The following MAP2K5 variants were observed in gnomAD, a reference collection of about 807,000 sequenced individuals.
The protein encoded by MAP2K5 is mitogen-activated protein kinase kinase 5, also known as dual specificity mitogen-activated protein kinase kinase 5.
In MAP2K5, 49 loss-of-function variants were observed where a neutral mutation model predicts 83.1. The ratio of observed to expected loss-of-function variants is 0.59; its 90% confidence interval spans 0.47 to 0.75. MAP2K5 has a LOEUF of 0.75. MAP2K5 is among the 30% of genes least tolerant of loss of function. The pLI is 0.00. For synonymous variants in MAP2K5, 202 were observed against 191.8 expected (o/e 1.05, Z -0.44); for missense variants, 457 against 557.5 (o/e 0.82, Z 1.82).
intron 1 of MAP2K5, among the ~76,000 whole-genome samples, chr15:67,547,107 C>CACACACAG (rs3223318): frequency 6.9e-6 from 1 of 145,798 alleles, no homozygotes; most frequent in South Asian, 2.2e-4. Context: ...CACACACACA[C>CACACACAG]AGATTTCTGT....
Position 67,780,584 on chromosome 15 carries a change from A to G in MAP2K5, c.1242+7832A>G, listed in dbSNP as rs144988486. Among the ~76,000 whole-genome samples, 24 of 152,350 alleles carry G rather than the reference A, an allele frequency of 1.6e-4. No individual in the cohort carries two copies. In the East Asian group the frequency reaches 4.4e-3, roughly 28 times the overall value. On this transcript the variant is annotated intron_variant, in intron 21 of 21. Transcript: ENST00000178640. This position sits in a 1 kb window ranked among gnomAD's most constrained non-coding sequence, Gnocchi z 5.0. Reference sequence around the variant, plus strand: ...GTAAAGCTGAAGAAACTAATCCAAGAACAAGCAATCCCTGGACATTACAAT... The same window carrying G: ...GTAAAGCTGAAGAAACTAATCCAAGGACAAGCAATCCCTGGACATTACAAT...
intron 15 of MAP2K5, among the ~76,000 whole-genome samples, chr15:67,697,326 T>C (rs1041333556): frequency 6.6e-6 from 1 of 152,144 alleles, no homozygotes; most frequent in African/African-American, 2.4e-5. Flanking sequence ...TTTTAAATCC[T>C]CACAACACTA....
intron 16 of MAP2K5, among the ~76,000 whole-genome samples, chr15:67,721,021 A>G (rs2141239956): frequency 6.6e-6 from 1 of 152,338 alleles, no homozygotes; most frequent in Non-Finnish European, 1.5e-5. Context: ...AAGGAACAGC[A>G]TTAGGATATT....
At chr15:67,700,629 G>A (rs1354745530) in intron 15 of MAP2K5, among the ~76,000 whole-genome samples, 1 of 152,086 alleles carries the variant, frequency 6.6e-6, no homozygotes, top group Non-Finnish European at 1.5e-5. Flanking sequence ...TCAAATCCTG[G>A]CTCCATAAAT....
chr15:67,742,499 G>A (rs1250742867), intron 17 of MAP2K5, among the ~76,000 whole-genome samples: 2 of 152,108 alleles, frequency 1.3e-5, no homozygotes, highest in African/African-American at 2.4e-5. Context: ...CTCAGAAAAA[G>A]CAACACCTCC....
rs578206780 is a variant in MAP2K5, at chr15:67,763,392, C to T, written c.1135-6210C>T. On this transcript the variant is annotated intron_variant, in intron 19 of 21. Transcript: ENST00000178640. ...TCACACTCTAAACGAGACTCATTCT[C>T]GGACCAGGAGCACCTATTCATCTCT... Among the ~76,000 whole-genome samples the T allele has an allele frequency of 7.2e-5, 11 of 152,296 alleles. No homozygotes were observed. The South Asian group carries it at 1.0e-3, about 14-fold the overall frequency.
intron 4 of MAP2K5, among the ~76,000 whole-genome samples, chr15:67,582,413 T>C (rs972409876): frequency 2.0e-5 from 3 of 152,204 alleles, no homozygotes; most frequent in Admixed American, 1.3e-4. Flanking sequence ...TGGGCAAGTT[T>C]CAAAATTCTT....
chr15:67,774,407 T>G lies in MAP2K5; in HGVS notation c.1242+1655T>G, dbSNP rs768166198. Among the ~76,000 whole-genome samples the G allele has an allele frequency of 6.6e-6, 1 of 152,142 alleles. No individual in the cohort carries two copies. Among genetic ancestry groups the G allele is most frequent in the Non-Finnish European group, 1.5e-5 (1 of 68,032 alleles). The stretch of plus-strand genomic sequence containing the variant: ...TTAAATGAATGCATTCCCAGAGGTA[T>G]AGCAGTGGTGAGGCACCACTGCTTT... On this transcript the variant is annotated intron_variant, in intron 21 of 21. Transcript: ENST00000178640. The surrounding 1 kb of genome is among the most constrained non-coding windows in gnomAD (Gnocchi z 4.9).
rs745860266 is a variant in MAP2K5, at chr15:67,693,502, CTG to C, written c.922-14_922-13del. On this transcript the variant is annotated splice_polypyrimidine_tract_variant and intron_variant, in intron 14 of 21. Transcript: ENST00000178640. ...ATTATCTTTATATTGTTCTAACAGA[CTG>C]TTTTGTCTCATAGCTGGTGAATTCT... 2 of 1,599,856 alleles carry C rather than the reference CTG, an allele frequency of 1.3e-6. No individual in the cohort carries two copies. The highest frequency in any genetic ancestry group is 8.6e-7 in the Non-Finnish European group (1 of 1,169,132).
intron 8 of MAP2K5, among the ~76,000 whole-genome samples, chr15:67,625,451 A>G (rs2086296373): frequency 1.3e-5 from 2 of 152,352 alleles, no homozygotes; most frequent in East Asian, 3.9e-4. Context: ...TGTGGCAACA[A>G]CAAACTAATT....
chr15:67,790,674 GC>G lies in MAP2K5; in HGVS notation c.1243-15970del, dbSNP rs1221313042. 6.6e-6 allele frequency among the ~76,000 whole-genome samples: 1 copy of G among 151,660 alleles called. No individual in the cohort carries two copies. Among genetic ancestry groups the G allele is most frequent in the Non-Finnish European group, 1.5e-5 (1 of 67,996 alleles). ...GAGGGTCTTTAAGATGTGGAGAGCA[GC>G]CTTTAATTCTCTACTGCAGCTGTCA... On this transcript the variant is annotated intron_variant, in intron 21 of 21. Transcript: ENST00000178640. The surrounding 1 kb of genome is among the most constrained non-coding windows in gnomAD (Gnocchi z 4.6).
chr15:67,578,192 G>A (rs1228259858), intron 3 of MAP2K5, among the ~76,000 whole-genome samples: 1 of 152,186 alleles, frequency 6.6e-6, no homozygotes, highest in Non-Finnish European at 1.5e-5. Flanking sequence ...GAGCTCCTGG[G>A]TTTGAGCCCT....
rs2140988392 is a variant in MAP2K5 at position 67,577,210 on chromosome 15, C to T, written c.253-3544C>T. 6.6e-6 allele frequency among the ~76,000 whole-genome samples: 1 copy of T among 152,292 alleles called. No individual in the cohort carries two copies. Among genetic ancestry groups the T allele is most frequent in the East Asian group, 1.9e-4 (1 of 5,190 alleles). On this transcript the variant is annotated intron_variant, in intron 3 of 21. Transcript: ENST00000178640. This position sits in a 1 kb window ranked among gnomAD's most constrained non-coding sequence, Gnocchi z 4.1. ...TCGGCCTCCCAAAGTGCTGGGATTA[C>T]AGGCGTGAGCCACCGTGCCCGGCCA... is the stretch of plus-strand genomic sequence containing the variant.
At chr15:67,712,018 G>A (rs1258258572) in intron 16 of MAP2K5, among the ~76,000 whole-genome samples, 1 of 152,214 alleles carries the variant, frequency 6.6e-6, no homozygotes, top group Non-Finnish European at 1.5e-5. Context: ...TAAACACCAT[G>A]GGTGGACACT....
At position 67,717,237 on chromosome 15, in the gene MAP2K5, T is replaced by G. The variant is rs6494691; in HGVS notation, c.1045-10679T>G. On this transcript the variant is annotated intron_variant, in intron 16 of 21. Transcript: ENST00000178640. This position sits in a 1 kb window ranked among gnomAD's most constrained non-coding sequence, Gnocchi z 4.1. ...ACACTATCCCTGTAGCTGGTTTAGTTTCACCATATTTCAAAATGTGCTAGT... is the reference window on the plus strand; with the variant it reads ...ACACTATCCCTGTAGCTGGTTTAGTGTCACCATATTTCAAAATGTGCTAGT... 0.82 allele frequency among the ~76,000 whole-genome samples: 125,073 copies of G among 152,146 alleles called. 51,585 individuals are homozygous for G. The highest frequency in any genetic ancestry group is 0.88 in the Admixed American group (13,423 of 15,286).
At chr15:67,614,202 T>G (rs1299579837) in intron 8 of MAP2K5, among the ~76,000 whole-genome samples, 1 of 152,180 alleles carries the variant, frequency 6.6e-6, no homozygotes, top group Non-Finnish European at 1.5e-5. Context: ...TCACCAAGCC[T>G]TGGTTTCCTT....
In MAP2K5 at chr15:67,748,828, G is replaced by T. The variant is rs750860469; in HGVS notation, c.1134+227G>T. Among the ~76,000 whole-genome samples, 20 of 152,272 alleles carry T rather than the reference G, an allele frequency of 1.3e-4. No homozygotes were observed. Among genetic ancestry groups the T allele is most frequent in the Middle Eastern group, 3.4e-3 (1 of 294 alleles). The stretch of plus-strand genomic sequence containing the variant: ...CTATCCCGCAGGCTGGTCCTCAGGG[G>T]CATCAGATGCCCTAAAGACAAAACA... On this transcript the variant is annotated intron_variant, in intron 19 of 21. Transcript: ENST00000178640. This position sits in a 1 kb window ranked among gnomAD's most constrained non-coding sequence, Gnocchi z 4.0.
At position 67,775,610 on chromosome 15, in the gene MAP2K5, T is replaced by C. The variant is rs147576988; in HGVS notation, c.1242+2858T>C. Among the ~76,000 whole-genome samples the C allele has an allele frequency of 0.022, 3,377 of 152,310 alleles. 64 individuals are homozygous for C. Among genetic ancestry groups the C allele is most frequent in the Non-Finnish European group, 0.031 (2,084 of 68,020 alleles). On this transcript the variant is annotated intron_variant, in intron 21 of 21. Transcript: ENST00000178640. The surrounding 1 kb of genome is among the most constrained non-coding windows in gnomAD (Gnocchi z 5.3). ...CCACACAGATAATCTTTTGGAGCTA[T>C]AGCAAGTATACAAATAACTAGAATG... is the stretch of plus-strand genomic sequence containing the variant.
intron 3 of MAP2K5, among the ~76,000 whole-genome samples, chr15:67,568,894 T>C (rs1396994659): frequency 1.3e-5 from 2 of 150,438 alleles, no homozygotes; most frequent in Non-Finnish European, 2.9e-5. Context: ...TAGTCCCAGC[T>C]ACTCGGGAGG....
Sources: allele counts gnomAD v4.1 joint callset (sites outside exome capture counted in the v4.1 genomes callset), GRCh38; gene constraint gnomAD v4.1.1; non-coding constraint Gnocchi (gnomAD v3.1); transcripts MANE v1.5; gene names NCBI Gene and HGNC (gene_info 2026-07-23, HGNC 2026-07-21).